Variants in SYNPR observed in about 807,000 individuals in gnomAD.
SYNPR encodes the protein synaptoporin.
A neutral mutation model predicts 32.9 loss-of-function variants in SYNPR; 23 were observed. The observed-to-expected ratio is 0.70, with a 90% CI of 0.50 to 0.99. The LOEUF is 0.99. SYNPR is among the 50% of genes least tolerant of loss of function. The pLI, the probability that SYNPR is intolerant of heterozygous loss-of-function variation, is 0.00. For synonymous variants in SYNPR, 146 were observed against 135.9 expected, an observed-to-expected ratio of 1.07 and a Z score of -0.52; for missense variants, 318 against 349.3, an observed-to-expected ratio of 0.91 and a Z score of 0.71.
intron 3 of SYNPR, among the ~76,000 whole-genome samples, chr3:63,490,851 C>T (rs1215806333): frequency 6.6e-6 from 1 of 152,154 alleles, no homozygotes; most frequent in Non-Finnish European, 1.5e-5. Context: ...CAACCTCTGC[C>T]TCCCTAGTTA....
chr3:63,573,715 G>C (rs11130945), intron 4 of SYNPR, among the ~76,000 whole-genome samples: 45,913 of 151,960 alleles, frequency 0.3, 7,439 homozygotes, highest in South Asian at 0.44. Flanking sequence ...CATCTTGCCA[G>C]TTAGTTCTGC....
the SYNPR span, among the ~76,000 whole-genome samples, chr3:63,207,791 T>C: frequency 6.6e-6 from 1 of 151,980 alleles, no homozygotes; most frequent in Non-Finnish European, 1.5e-5. Context: ...TTAAAAAAAA[T>C]GAAAGAAAAT....
intron 3 of SYNPR, among the ~76,000 whole-genome samples, chr3:63,545,276 T>A (rs1283266637): frequency 6.6e-6 from 1 of 152,104 alleles, no homozygotes; most frequent in Non-Finnish European, 1.5e-5. Context: ...CAGCTCTTAT[T>A]TCCATTTTCA....
chr3:63,350,970 G>T (rs1211734739), intron 2 of SYNPR, among the ~76,000 whole-genome samples: 1 of 152,098 alleles, frequency 6.6e-6, no homozygotes, highest in Admixed American at 6.5e-5. Flanking sequence ...ACCCTCAGTT[G>T]GGTTCCATTT....
chr3:63,262,118 C>A (rs369510068), intron 2 of SYNPR, among the ~76,000 whole-genome samples: 2 of 137,262 alleles, frequency 1.5e-5, no homozygotes, highest in Admixed American at 7.3e-5. Context: ...AAAAAAAAAA[C>A]CATTTTACAA....
intron 2 of SYNPR, among the ~76,000 whole-genome samples, chr3:63,395,628 T>C (rs1316107296): frequency 6.6e-6 from 1 of 152,234 alleles, no homozygotes; most frequent in East Asian, 1.9e-4. Context: ...TTACCTGTGC[T>C]AGTGCTGTCT....
intron 2 of SYNPR, among the ~76,000 whole-genome samples, chr3:63,299,247 A>T (rs972410210): frequency 2.0e-5 from 3 of 152,142 alleles, no homozygotes; most frequent in African/African-American, 7.2e-5. Context: ...AGAGGGAGAG[A>T]AGATCTGGAA....
chr3:63,501,494 C>CAAAAAAAAAAAAAAAAAAAAGAA (rs1701479371), intron 3 of SYNPR, among the ~76,000 whole-genome samples: 1 of 96,740 alleles, frequency 1.0e-5, no homozygotes, highest in Non-Finnish European at 2.1e-5. Context: ...CTCCCCCAAC[C>CAAAAAAAAAAAAAAAAAAAAGAA]AAAAAAAAAA....
chr3:63,609,872 T>G (rs1459338060), intron 5 of SYNPR, among the ~76,000 whole-genome samples: 1 of 152,124 alleles, frequency 6.6e-6, no homozygotes, highest in African/African-American at 2.4e-5. Flanking sequence ...ATCAGGCCAC[T>G]GCACCCCAGC....
rs151260280 is a variant in SYNPR at position 63,613,385 on chromosome 3, G to A, written c.601-1839G>A. Among the ~76,000 whole-genome samples the A allele has an allele frequency of 5.9e-5, 9 of 151,814 alleles. No individual in the cohort carries two copies. In the East Asian group the frequency reaches 9.7e-4, roughly 16 times the overall value. Reference sequence around the variant, plus strand: ...CAAGCAACTATTATACCTTATTTACGTTTTGTATCTCCCTCAGCAGGTAGC... The same window carrying A: ...CAAGCAACTATTATACCTTATTTACATTTTGTATCTCCCTCAGCAGGTAGC... On this transcript the variant is annotated intron_variant, in intron 5 of 5. Transcript: ENST00000478300.
chr3:63,523,983 C>G (rs1359192496), intron 3 of SYNPR, among the ~76,000 whole-genome samples: 1 of 152,064 alleles, frequency 6.6e-6, no homozygotes, highest in African/African-American at 2.4e-5. Flanking sequence ...GCATTTCCCA[C>G]ACATTAATCC....
chr3:63,330,019 A>T (rs760813527), intron 2 of SYNPR: 1 of 152,366 alleles, frequency 6.6e-6, no homozygotes, highest in African/African-American at 2.4e-5. Flanking sequence ...GTATTTTAGC[A>T]TCAACTCGGG....
At chr3:63,605,098 A>G (rs1468060598) in intron 4 of SYNPR, among the ~76,000 whole-genome samples, 2 of 152,204 alleles carry the variant, frequency 1.3e-5, no homozygotes, top group African/African-American at 4.8e-5. Context: ...GCTTGCATCC[A>G]TGGAACTGAC....
At chr3:63,462,468 A>G (rs1700601941) in intron 2 of SYNPR, among the ~76,000 whole-genome samples, 1 of 152,160 alleles carries the variant, frequency 6.6e-6, no homozygotes, top group South Asian at 2.1e-4. Context: ...ACCTCTGATA[A>G]AACAAATTGG....
intron 2 of SYNPR, among the ~76,000 whole-genome samples, chr3:63,440,923 C>T (rs1223651964): frequency 6.6e-6 from 1 of 152,160 alleles, no homozygotes; most frequent in Non-Finnish European, 1.5e-5. Flanking sequence ...ATCTCTGGTG[C>T]AAATCTGCAT....
At chr3:63,222,415 T>C in the SYNPR span, among the ~76,000 whole-genome samples, 1 of 152,206 alleles carries the variant, frequency 6.6e-6, no homozygotes, top group African/African-American at 2.4e-5. Flanking sequence ...ACATGCCTAC[T>C]TCCTTGATTT....
chr3:63,549,690 TGAAAG>T (rs1189599016), intron 3 of SYNPR, among the ~76,000 whole-genome samples: 1 of 152,218 alleles, frequency 6.6e-6, no homozygotes, highest in Non-Finnish European at 1.5e-5. Flanking sequence ...TCCAGTCCCC[TGAAAG>T]GATAGTTGCA....
intron 3 of SYNPR, chr3:63,550,069 C>T (rs957313635): frequency 6.6e-6 from 1 of 152,114 alleles, no homozygotes; most frequent in Non-Finnish European, 1.5e-5. Flanking sequence ...ATGACATGCT[C>T]TGTTTAGAAA....
chr3:63,509,256 C>T (rs1205817634), intron 3 of SYNPR, among the ~76,000 whole-genome samples: 2 of 135,108 alleles, frequency 1.5e-5, no homozygotes, highest in African/African-American at 6.4e-5. Flanking sequence ...CATACACACA[C>T]AATTAAGGCT....
Sources: allele counts gnomAD v4.1 joint callset (sites outside exome capture counted in the v4.1 genomes callset), GRCh38; gene constraint gnomAD v4.1.1; transcripts MANE v1.5; gene names NCBI Gene and HGNC (gene_info 2026-07-23, HGNC 2026-07-21).